NXN: variants seen among roughly 807,000 people sequenced by gnomAD.
The protein encoded by NXN is nucleoredoxin, also known as nucleoredoxin 1.
A neutral mutation model predicts 48.6 loss-of-function variants in NXN; 16 were observed. The ratio of observed to expected loss-of-function variants is 0.33; its 90% CI spans 0.22 to 0.50. The LOEUF is 0.50. Ranked by LOEUF, NXN falls within the 20% of genes least tolerant of loss-of-function variation. The pLI is 0.98. For missense variants in NXN, 492 were observed against 605.5 expected, an observed-to-expected ratio of 0.81 and a Z score of 1.97; for synonymous variants, 281 against 269.6, an observed-to-expected ratio of 1.04 and a Z score of -0.41.
chr17:873,541 C>T (rs2068182896), intron 1 of NXN, among the ~76,000 whole-genome samples: 1 of 147,416 alleles, frequency 6.8e-6, no homozygotes. Flanking sequence ...TACTTCTGTA[C>T]TTATATTTTG....
chr17:873,451 C>T (rs1054183643), intron 1 of NXN, among the ~76,000 whole-genome samples: 2 of 143,154 alleles, frequency 1.4e-5, no homozygotes, highest in Admixed American at 7.3e-5. Flanking sequence ...GAGCTGAGAT[C>T]GCACCACTGT....
intron 1 of NXN, chr17:864,181 G>T (rs62068404): frequency 2.5e-5 from 24 of 951,676 alleles, no homozygotes; most frequent in Middle Eastern, 5.6e-4. Context: ...CGCGTCTGCC[G>T]TTGCTCGGTT....
intron 1 of NXN, among the ~76,000 whole-genome samples, chr17:904,222 G>A (rs760229986): frequency 5.3e-5 from 8 of 152,178 alleles, no homozygotes; most frequent in Non-Finnish European, 5.9e-5. Context: ...CTGGCCGAGC[G>A]GACTTCCAAA....
At chr17:832,422 G>A (rs531132897) in intron 1 of NXN, among the ~76,000 whole-genome samples, 3 of 151,228 alleles carry the variant, frequency 2.0e-5, no homozygotes, top group South Asian at 4.2e-4. Flanking sequence ...TCCTGACCTC[G>A]TGTCCGCCCG....
chr17:837,386 T>A (rs1222214530), intron 1 of NXN, among the ~76,000 whole-genome samples: 3 of 152,186 alleles, frequency 2.0e-5, no homozygotes. Context: ...AGTGTGTGAT[T>A]TGGCCCATGA....
At chr17:906,666 AAGTG>A (rs2068584168) in intron 1 of NXN, among the ~76,000 whole-genome samples, 1 of 151,400 alleles carries the variant, frequency 6.6e-6, no homozygotes, top group Non-Finnish European at 1.5e-5. Context: ...TCCCGGGTTC[AAGTG>A]ATTCTCCTGC....
At chr17:939,344 C>CTTTTT (rs34838555) in intron 1 of NXN, among the ~76,000 whole-genome samples, 1 of 127,960 alleles carries the variant, frequency 7.8e-6, no homozygotes, top group Non-Finnish European at 1.6e-5. Flanking sequence ...TAGAAATCAG[C>CTTTTT]TTTTTTTTTT....
intron 1 of NXN, among the ~76,000 whole-genome samples, chr17:931,253 C>T (rs61620182): frequency 3.3e-5 from 5 of 149,556 alleles, no homozygotes; most frequent in Admixed American, 6.7e-5. Context: ...CGCCACTGCA[C>T]TCCAGCCTGG....
At chr17:814,027 A>G (rs767162928) in intron 5 of NXN, among the ~76,000 whole-genome samples, 7 of 151,934 alleles carry the variant, frequency 4.6e-5, no homozygotes, top group African/African-American at 7.3e-5. Flanking sequence ...TTGGGAGGCC[A>G]AGGCAGGCAG....
chr17:887,369 G>C (rs2068360566), intron 1 of NXN, among the ~76,000 whole-genome samples: 2 of 152,162 alleles, frequency 1.3e-5, no homozygotes, highest in Admixed American at 1.3e-4. Context: ...GATTCAGTGA[G>C]GGTGACTGGG....
At chr17:899,445 C>T (rs772830947) in intron 1 of NXN, among the ~76,000 whole-genome samples, 11 of 152,142 alleles carry the variant, frequency 7.2e-5, no homozygotes, top group African/African-American at 1.2e-4. Flanking sequence ...TGAGGGAGGA[C>T]GATCAATAAA....
At chr17:967,352 G>A (rs1377838360) in intron 1 of NXN, among the ~76,000 whole-genome samples, 2 of 152,248 alleles carry the variant, frequency 1.3e-5, no homozygotes, top group Admixed American at 6.5e-5. Flanking sequence ...GCCTGCCAGA[G>A]GCCAGGGCGC....
At chr17:808,984 T>G (rs1430340111) in intron 5 of NXN, among the ~76,000 whole-genome samples, 1 of 152,160 alleles carries the variant, frequency 6.6e-6, no homozygotes, top group Admixed American at 6.5e-5. Flanking sequence ...GCCATTATAT[T>G]CTTTTAATCA....
At chr17:867,483 T>C (rs2068106003) in intron 1 of NXN, among the ~76,000 whole-genome samples, 1 of 152,222 alleles carries the variant, frequency 6.6e-6, no homozygotes. Flanking sequence ...GCTTTCCTGT[T>C]GTTGAAGGAG....
chr17:975,120 G>C (rs906287093), intron 1 of NXN, among the ~76,000 whole-genome samples: 1 of 152,084 alleles, frequency 6.6e-6, no homozygotes, highest in Admixed American at 6.6e-5. Context: ...CATCACACCC[G>C]GCCTGCTCCT....
intron 1 of NXN, among the ~76,000 whole-genome samples, chr17:974,813 TTTTATTTA>T (rs34003449): frequency 3.1e-4 from 46 of 150,248 alleles, no homozygotes; most frequent in East Asian, 2.1e-3. Context: ...ATTACTTTAT[TTTTATTTA>T]TTTATTTATT....
chr17:834,459 G>C (rs1402526710), intron 1 of NXN, among the ~76,000 whole-genome samples: 2 of 151,802 alleles, frequency 1.3e-5, no homozygotes, highest in African/African-American at 2.4e-5. Context: ...CTGTTGCCCA[G>C]GCTGGAGTGC....
intron 1 of NXN, among the ~76,000 whole-genome samples, chr17:842,171 A>T (rs1398324121): frequency 1.3e-5 from 2 of 152,140 alleles, no homozygotes; most frequent in African/African-American, 2.4e-5. Context: ...ACACCCTTCC[A>T]ATTAAACCTG....
At chr17:904,527 C>G (rs2068566132) in intron 1 of NXN, among the ~76,000 whole-genome samples, 1 of 152,176 alleles carries the variant, frequency 6.6e-6, no homozygotes, top group African/African-American at 2.4e-5. Flanking sequence ...AACTCACCCA[C>G]ATGGCAGTAT....
Sources: gnomAD v4.1 joint callset for allele counts (sites outside exome capture counted in the v4.1 genomes callset) on GRCh38, gnomAD v4.1.1 for gene constraint, MANE v1.5 for transcripts, NCBI Gene and HGNC (gene_info 2026-07-23, HGNC 2026-07-21) for gene names.